PLCD4: variants seen among roughly 807,000 people sequenced by gnomAD.
The protein encoded by PLCD4 is phospholipase C delta 4.
A neutral mutation model predicts 90.2 loss-of-function variants in PLCD4; 63 were observed. The ratio of observed to expected loss-of-function variants is 0.70; its 90% confidence interval spans 0.57 to 0.86. The LOEUF (loss-of-function observed/expected upper bound fraction) is 0.86. Among genes scored for constraint, PLCD4 ranks in the 40% least tolerant of loss-of-function variants. PLCD4 has a pLI of 0.00. For synonymous variants in PLCD4, 294 were observed against 356.5 expected, an observed-to-expected ratio of 0.82 and a Z score of 1.97; for missense variants, 830 against 956.3, an observed-to-expected ratio of 0.87 and a Z score of 1.74.
At chr2:218,614,488 C>T (rs894104762) in intron 1 of PLCD4, among the ~76,000 whole-genome samples, 17 of 146,380 alleles carry the variant, frequency 1.2e-4, no homozygotes, top group Middle Eastern at 4.3e-3. Flanking sequence ...CTCGCTGTGT[C>T]GCCCAGGCTG....
At chr2:218,623,045 G>C (rs1442147845) in intron 6 of PLCD4, among the ~76,000 whole-genome samples, 167 bp downstream of exon 6, 1 of 152,200 alleles carries the variant, frequency 6.6e-6, no homozygotes, top group Non-Finnish European at 1.5e-5. Context: ...AGGAGGGCAG[G>C]CATTTCCTGT....
intron 10 of PLCD4, among the ~76,000 whole-genome samples, chr2:218,632,737 T>C (rs980585745): frequency 1.3e-5 from 2 of 151,890 alleles, no homozygotes; most frequent in Non-Finnish European, 2.9e-5. Context: ...TAAGTAGGGG[T>C]TACTGGAATG....
intron 15 of PLCD4, 21 bp from the exon 16 acceptor site, chr2:218,636,450 C>T: frequency 6.2e-7 from 1 of 1,614,068 alleles, no homozygotes; most frequent in Non-Finnish European, 8.5e-7. Flanking sequence ...CTTCCTAATG[C>T]TGTCCTCCTG....
intron 6 of PLCD4, among the ~76,000 whole-genome samples, chr2:218,625,888 C>T (rs1215932271): frequency 6.6e-6 from 1 of 151,988 alleles, no homozygotes; most frequent in Non-Finnish European, 1.5e-5. Flanking sequence ...GAGTGGAAAT[C>T]GAACCACAGC....
Position 218,634,244 on chromosome 2 carries a change from G to A in PLCD4, c.1723+23G>A. 1 of 1,599,004 alleles carries A rather than the reference G, an allele frequency of 6.3e-7. No homozygotes were observed. The highest frequency in any genetic ancestry group is 8.5e-7 in the Non-Finnish European group (1 of 1,172,544). On this transcript the variant is annotated intron_variant, in intron 12 of 15. Transcript: ENST00000450993. The surrounding 1 kb of genome is among the most constrained non-coding windows in gnomAD (Gnocchi z 4.0). ...TGGGTGAGGAGGCAGCAGGGACTGG[G>A]AAGAGGGAGTGGAGGAGCAGCAGGT... is the stretch of plus-strand genomic sequence containing the variant.
chr2:218,634,405 G>A lies in PLCD4; in HGVS notation c.1724-53G>A. 6.3e-7 allele frequency: 1 copy of A among 1,586,752 alleles called. No homozygotes were observed. Among genetic ancestry groups the A allele is most frequent in the South Asian group, 1.2e-5 (1 of 86,512 alleles). On this transcript the variant is annotated intron_variant, in intron 12 of 15. Transcript: ENST00000450993. The surrounding 1 kb of genome is among the most constrained non-coding windows in gnomAD (Gnocchi z 4.0). The stretch of plus-strand genomic sequence containing the variant: ...ATCTTCTTAACTCCCTGAAAGAGGG[G>A]CTGGAAGGCCTCCATGGTGAATCTT...
intron 1 of PLCD4, among the ~76,000 whole-genome samples, chr2:218,614,033 A>C (rs1249381589): frequency 7.2e-6 from 1 of 139,042 alleles, no homozygotes; most frequent in Non-Finnish European, 1.5e-5. Context: ...TTTTTTTTTG[A>C]GATGGAGTCT....
chr2:218,618,699 A>T lies in PLCD4; in HGVS notation c.302A>T (p.Asn101Ile). ...ATTGTCTTCCATGGCCGCCGCTCCA[A>T]CCTGGACCTGATGGCCAACAGTGTT... ...FTIVFHGRRS[N>I]LDLMANSVEE... The change falls in exon 4 of 16, where the codon AAC becomes ATC. Residue 101 changes from asparagine (N) to isoleucine (I), a missense_variant. Physicochemically the swap from Asn to Ile is moderately radical, Grantham distance 149 (BLOSUM62 -3). Coordinates refer to ENST00000450993, the MANE Select transcript of PLCD4 (RefSeq NM_032726.4). 6.2e-7 allele frequency: 1 copy of T among 1,613,730 alleles called. No homozygotes were observed. Among genetic ancestry groups the T allele is most frequent in the Non-Finnish European group, 8.5e-7 (1 of 1,179,780 alleles).
intron 1 of PLCD4, among the ~76,000 whole-genome samples, chr2:218,613,740 A>C (rs1695453100): frequency 6.6e-6 from 1 of 151,876 alleles, no homozygotes; most frequent in East Asian, 1.9e-4. Context: ...ATTTAAAAAA[A>C]TTCTTTGTAG....
rs887039949 is a variant in PLCD4 at position 218,636,945 on chromosome 2, T to C, written c.*368T>C. 6.5e-6 allele frequency: 3 copies of C among 459,280 alleles called. No individual in the cohort carries two copies. The Admixed American group carries it at 7.1e-5, about 11-fold the overall frequency. The allele number at this position is 459,280 out of a possible 1,614,324, so 28.5% of individuals were successfully genotyped here. ...TTGCAACTAGAAATTCAGAGGGGCT[T>C]GGAATAGAGAAACCTAAAGAAGCAT... On this transcript the variant is annotated 3_prime_UTR_variant, in exon 16 of 16. Coordinates refer to ENST00000450993, the MANE Select transcript of PLCD4 (RefSeq NM_032726.4).
rs1696579437 is a variant in PLCD4 at position 218,634,289 on chromosome 2, G to A, written c.1723+68G>A. 6.3e-7 allele frequency: 1 copy of A among 1,574,826 alleles called. No homozygotes were observed. Among genetic ancestry groups the A allele is most frequent in the Non-Finnish European group, 8.6e-7 (1 of 1,160,292 alleles). On this transcript the variant is annotated intron_variant, in intron 12 of 15. Transcript: ENST00000450993. The surrounding 1 kb of genome is among the most constrained non-coding windows in gnomAD (Gnocchi z 4.0). ...GCAGGTGGGAAATAAGTTCTCTAGTGATGGTAGGGTTGGGGAATGCTCAAG... is the reference window on the plus strand; with the variant it reads ...GCAGGTGGGAAATAAGTTCTCTAGTAATGGTAGGGTTGGGGAATGCTCAAG...
At chr2:218,624,814 G>C (rs1029296480) in intron 6 of PLCD4, among the ~76,000 whole-genome samples, 2 of 151,572 alleles carry the variant, frequency 1.3e-5, no homozygotes, top group Non-Finnish European at 2.9e-5. Context: ...AAAAGTTTAA[G>C]AGATAGAATC....
rs781143238 is a variant in PLCD4, at chr2:218,618,665, G to A, written c.268G>A (p.Gly90Ser). Residue 90 changes from glycine (G) to serine (S), a missense_variant, in exon 4 of 16, where the codon GGC becomes AGC. Gly to Ser is a moderately conservative substitution (Grantham distance 56, BLOSUM62 0). Coordinates refer to ENST00000450993, the MANE Select transcript of PLCD4 (RefSeq NM_032726.4). Reference protein sequence around the residue: ...SLAEELPLEQGFTIVFHGRRS... With the variant: ...SLAEELPLEQSFTIVFHGRRS... ...GGCAGAGGAGCTCCCCCTGGAGCAG[G>A]GCTTCACCATTGTCTTCCATGGCCG... The A allele has an allele frequency of 1.1e-5, 18 of 1,614,000 alleles. No individual in the cohort carries two copies. Among genetic ancestry groups the A allele is most frequent in the Non-Finnish European group, 2.5e-6 (3 of 1,179,898 alleles).
intron 13 of PLCD4, 56 bp from the exon 14 acceptor site, chr2:218,635,740 G>C (rs1696692602): frequency 3.2e-6 from 5 of 1,573,962 alleles, no homozygotes; most frequent in Non-Finnish European, 4.3e-6. Flanking sequence ...TGGGAGTAGG[G>C]TCGGGTGGGG....
At chr2:218,621,627 G>A (rs1263568826) in intron 5 of PLCD4, 28 bp downstream of exon 5, 10 of 1,612,348 alleles carry the variant, frequency 6.2e-6, no homozygotes, top group South Asian at 1.1e-5. Flanking sequence ...GATTTCCAGC[G>A]GCCAACCAGG....
In PLCD4 at chr2:218,634,365, G is replaced by A. The variant is rs552981067; in HGVS notation, c.1724-93G>A. Reference sequence around the variant, plus strand: ...TCAGTGGATATTACCAGCAGGTACCGTGCACCCAGTACCTATCTTCTTAAC... The same window carrying A: ...TCAGTGGATATTACCAGCAGGTACCATGCACCCAGTACCTATCTTCTTAAC... On this transcript the variant is annotated intron_variant, in intron 12 of 15. Coordinates refer to ENST00000450993, the MANE Select transcript of PLCD4 (RefSeq NM_032726.4). The surrounding 1 kb of genome is among the most constrained non-coding windows in gnomAD (Gnocchi z 4.0). The A allele has an allele frequency of 8.1e-5, 127 of 1,571,624 alleles. No individual in the cohort carries two copies. The highest frequency in any genetic ancestry group is 7.7e-4 in the South Asian group (65 of 84,376).
At chr2:218,625,133 G>GAAA (rs58218360) in intron 6 of PLCD4, among the ~76,000 whole-genome samples, 1 of 108,262 alleles carries the variant, frequency 9.2e-6, no homozygotes, top group Non-Finnish European at 1.8e-5. Flanking sequence ...AAAAAAAAAA[G>GAAA]AAAGAAAGAA....
chr2:218,629,413 G>T, intron 7 of PLCD4, 106 bp from the exon 8 acceptor site: 2 of 1,311,984 alleles, frequency 1.5e-6, no homozygotes, highest in African/African-American at 1.5e-5. Flanking sequence ...GGGTCTGGAT[G>T]GGTAAGTGCT....
rs1197105859 is a variant in PLCD4 at position 218,622,713 on chromosome 2, A to C, written c.607A>C (p.Thr203Pro). ...ATTCGTACAGTTCTATAAGGCATTG[A>C]CTAAACGTGCTGAGGTGCAGGAACT... ...EEFVQFYKAL[T>P]KRAEVQELFE... Residue 203 changes from threonine (T) to proline (P), a missense_variant, in exon 6 of 16, where the codon ACT becomes CCT. By Grantham distance (38) the Thr-to-Pro change is conservative. Transcript: ENST00000450993. The C allele has an allele frequency of 6.2e-7, 1 of 1,613,950 alleles. No homozygotes were observed. Among genetic ancestry groups the C allele is most frequent in the Non-Finnish European group, 8.5e-7 (1 of 1,179,916 alleles).
Sources: allele counts gnomAD v4.1 joint callset (sites outside exome capture counted in the v4.1 genomes callset), GRCh38; gene constraint gnomAD v4.1.1; non-coding constraint Gnocchi (gnomAD v3.1); transcripts MANE v1.5; gene names NCBI Gene and HGNC (gene_info 2026-07-23, HGNC 2026-07-21).